Variants in USH2A observed in about 807,000 individuals in gnomAD.
USH2A encodes usherin, also known as Usher syndrome 2A (autosomal recessive, mild).
In USH2A, 443 loss-of-function variants were observed where a neutral mutation model predicts 538.9. That is an observed-to-expected ratio of 0.82 (90% CI 0.76 to 0.89). The LOEUF (loss-of-function observed/expected upper bound fraction) is 0.89, where lower values mean the gene tolerates loss of function less well. USH2A is among the 40% of genes least tolerant of loss of function. The pLI is 0.00. For missense variants in USH2A, 6,633 were observed against 6,324.8 expected (o/e 1.05, Z -1.65); for synonymous variants, 2,413 against 2,273.5 (o/e 1.06, Z -1.75).
chr1:216,289,610 T>C (rs544803947), intron 10 of USH2A, among the ~76,000 whole-genome samples, 200 bp from the exon 11 acceptor site: 1 of 152,294 alleles, frequency 6.6e-6, no homozygotes, highest in South Asian at 2.1e-4. Context: ...GTGCTTTACT[T>C]CATTAAACTC....
intron 21 of USH2A, chr1:216,174,305 T>C (rs1200280777): frequency 5.1e-6 from 5 of 975,554 alleles, no homozygotes; most frequent in African/African-American, 1.8e-5. Context: ...TAATAATATA[T>C]ATCTTATACT....
intron 3 of USH2A, among the ~76,000 whole-genome samples, chr1:216,400,738 C>G (rs2039290618): frequency 6.6e-6 from 1 of 152,106 alleles, no homozygotes; most frequent in South Asian, 2.1e-4. Flanking sequence ...CAAATGACAA[C>G]AGATTTCTCA....
chr1:216,120,088 C>T (rs2033097083), intron 21 of USH2A, among the ~76,000 whole-genome samples: 1 of 151,502 alleles, frequency 6.6e-6, no homozygotes. Context: ...TTCAGTCATC[C>T]AGGATTGCTT....
At chr1:215,840,913 A>G (rs1663660774) in intron 46 of USH2A, among the ~76,000 whole-genome samples, 1 of 152,182 alleles carries the variant, frequency 6.6e-6, no homozygotes, top group Non-Finnish European at 1.5e-5. Context: ...CCTATGGTCT[A>G]CCTGCATACA....
At chr1:216,409,680 A>C (rs1206687248) in intron 3 of USH2A, among the ~76,000 whole-genome samples, 3 of 152,196 alleles carry the variant, frequency 2.0e-5, no homozygotes, top group Non-Finnish European at 4.4e-5. Context: ...AGCCATATGC[A>C]GAAGATTGAA....
At chr1:215,694,372 G>A (rs775555249) in intron 61 of USH2A, among the ~76,000 whole-genome samples, 7 of 152,172 alleles carry the variant, frequency 4.6e-5, no homozygotes, top group Non-Finnish European at 8.8e-5. Flanking sequence ...AGGAGATCAA[G>A]ACCATCCCGG....
At chr1:216,381,624 T>C (rs775986181) in intron 3 of USH2A, among the ~76,000 whole-genome samples, 2 of 152,164 alleles carry the variant, frequency 1.3e-5, no homozygotes, top group Non-Finnish European at 2.9e-5. Context: ...TATAAAGAAG[T>C]TGGTTCAAAA....
At chr1:216,349,843 A>T (rs2038245682) in intron 4 of USH2A, among the ~76,000 whole-genome samples, 1 of 152,136 alleles carries the variant, frequency 6.6e-6, no homozygotes, top group Admixed American at 6.5e-5. Flanking sequence ...CTTGCTTTTA[A>T]TTTTTTTAAA....
At chr1:216,051,368 C>T (rs1012468718) in intron 30 of USH2A, among the ~76,000 whole-genome samples, 3 of 152,336 alleles carry the variant, frequency 2.0e-5, no homozygotes, top group Admixed American at 1.3e-4. Context: ...GCCTCCACCA[C>T]GATACCCAAA....
intron 61 of USH2A, among the ~76,000 whole-genome samples, chr1:215,684,623 T>C (rs904515926): frequency 6.6e-6 from 1 of 152,208 alleles, no homozygotes; most frequent in Non-Finnish European, 1.5e-5. Flanking sequence ...AACAATGATG[T>C]ATAGGCACTC....
intron 4 of USH2A, among the ~76,000 whole-genome samples, chr1:216,334,925 C>A (rs1303762410): frequency 1.3e-5 from 2 of 151,814 alleles, no homozygotes; most frequent in African/African-American, 2.4e-5. Context: ...AAATGGAAGA[C>A]CTGAATGACT....
rs561770644 is a variant in USH2A, at chr1:216,041,113, G to A, written c.6325+5318C>T. ...ACGTATTTATCCAGAATACACCAAG[G>A]TTACTATGGTTACGAAAAATCCATT... On this transcript the variant is annotated intron_variant, in intron 32 of 71. Coordinates refer to ENST00000307340, the MANE Select transcript of USH2A (RefSeq NM_206933.4). Among the ~76,000 whole-genome samples, 6 of 151,926 alleles carry A rather than the reference G, an allele frequency of 3.9e-5. No individual in the cohort carries two copies. In the East Asian group the frequency reaches 1.2e-3, roughly 29 times the overall value.
At chr1:215,681,042 C>T (rs969763977) in intron 61 of USH2A, among the ~76,000 whole-genome samples, 4 of 151,926 alleles carry the variant, frequency 2.6e-5, no homozygotes, top group Admixed American at 2.6e-4. Flanking sequence ...AACTATGAAA[C>T]CTACCAAAAG....
At chr1:215,693,461 T>C (rs1429764389) in intron 61 of USH2A, among the ~76,000 whole-genome samples, 5 of 152,200 alleles carry the variant, frequency 3.3e-5, no homozygotes, top group Admixed American at 3.3e-4. Context: ...AGAGTCATAC[T>C]GCTGACAAGA....
intron 11 of USH2A, among the ~76,000 whole-genome samples, chr1:216,267,825 C>G (rs1008392426): frequency 1.6e-4 from 24 of 152,082 alleles, no homozygotes; most frequent in Non-Finnish European, 7.4e-5. Flanking sequence ...ACCTTTTGCA[C>G]CTTTACATCA....
chr1:215,923,361 C>T (rs1042012331), intron 38 of USH2A, among the ~76,000 whole-genome samples: 1 of 152,092 alleles, frequency 6.6e-6, no homozygotes, highest in African/African-American at 2.4e-5. Context: ...CTCCTTCTCT[C>T]ATACCCACTC....
In USH2A at chr1:216,073,163, C is replaced by T. The variant is rs1424490051; in HGVS notation, c.5710G>A (p.Asp1904Asn). The change falls in exon 28 of 72, where the codon GAC becomes AAC. Residue 1904 changes from aspartate (D) to asparagine (N), a missense_variant. Coordinates refer to ENST00000307340, the MANE Select transcript of USH2A (RefSeq NM_206933.4). ...TDSAVNCRGN[D>N]SILVYQGKEQ... Reference sequence around the variant, plus strand: ...TTTCCCTGGTAAACCAGGATGGAGTCATTTCCCCTGCAGTTAACAGCACTG... The same window carrying T: ...TTTCCCTGGTAAACCAGGATGGAGTTATTTCCCCTGCAGTTAACAGCACTG... 4 of 1,613,918 alleles carry T rather than the reference C, an allele frequency of 2.5e-6. No homozygotes were observed. In the South Asian group the frequency reaches 4.4e-5, roughly 18 times the overall value.
chr1:216,142,787 T>C (rs1230521749), intron 21 of USH2A, among the ~76,000 whole-genome samples: 2 of 152,216 alleles, frequency 1.3e-5, no homozygotes, highest in Admixed American at 6.5e-5. Context: ...CCAATTCTAA[T>C]GTGATTTAGT....
intron 37 of USH2A, among the ~76,000 whole-genome samples, chr1:215,947,974 T>C (rs1027998322): frequency 3.9e-5 from 6 of 152,148 alleles, no homozygotes; most frequent in Admixed American, 1.3e-4. Flanking sequence ...CATGAAGACA[T>C]AAATTATTAG....
Sources: gnomAD v4.1 joint callset for allele counts (sites outside exome capture counted in the v4.1 genomes callset) on GRCh38, gnomAD v4.1.1 for gene constraint, MANE v1.5 for transcripts, NCBI Gene and HGNC (gene_info 2026-07-23, HGNC 2026-07-21) for gene names.